GALNT11: variants seen among roughly 807,000 people sequenced by gnomAD.
GALNT11 encodes polypeptide N-acetylgalactosaminyltransferase 11.
A neutral mutation model predicts 72.7 loss-of-function variants in GALNT11; 47 were observed. That is an observed-to-expected ratio of 0.65 (90% CI 0.51 to 0.82). GALNT11 has a LOEUF of 0.82. Among genes scored for constraint, GALNT11 ranks in the 40% least tolerant of loss-of-function variants. The pLI is 0.00. For missense variants in GALNT11, 677 were observed against 778.4 expected, an observed-to-expected ratio of 0.87 and a Z score of 1.55; for synonymous variants, 270 against 286.6, an observed-to-expected ratio of 0.94 and a Z score of 0.58.
chr7:152,047,658 C>T (rs2033491055), intron 1 of GALNT11, among the ~76,000 whole-genome samples: 1 of 151,716 alleles, frequency 6.6e-6, no homozygotes, highest in African/African-American at 2.4e-5. Context: ...GATTGCACCA[C>T]TGCACTCTAG....
intron 4 of GALNT11, 127 bp from the exon 5 acceptor site, chr7:152,105,118 T>C (rs1287298839): frequency 1.0e-6 from 1 of 985,726 alleles, no homozygotes; most frequent in Non-Finnish European, 1.5e-6. Flanking sequence ...AAGTAAAATA[T>C]TCTGTAGTAT....
chr7:152,054,082 C>G (rs2083533769), intron 1 of GALNT11, among the ~76,000 whole-genome samples: 1 of 152,022 alleles, frequency 6.6e-6, no homozygotes, highest in Non-Finnish European at 1.5e-5. Flanking sequence ...ATACTTTATT[C>G]ATTTATCTAA....
intron 1 of GALNT11, among the ~76,000 whole-genome samples, chr7:152,084,544 G>A (rs899647806): frequency 1.3e-5 from 2 of 152,158 alleles, no homozygotes; most frequent in African/African-American, 2.4e-5. Flanking sequence ...GGCGTGTTGA[G>A]TATTTTGTTT....
chr7:152,107,950 G>A, intron 5 of GALNT11, 88 bp from the exon 6 acceptor site: 2 of 1,468,538 alleles, frequency 1.4e-6, no homozygotes, highest in Non-Finnish European at 1.8e-6. Context: ...GTTTCATGCT[G>A]TGTCAGCGCG....
chr7:152,026,607 A>T (rs538858410), intron 1 of GALNT11, among the ~76,000 whole-genome samples: 2 of 152,228 alleles, frequency 1.3e-5, no homozygotes, highest in African/African-American at 4.8e-5. Context: ...TCTGCCCTGT[A>T]TTTATGTAAA....
intron 1 of GALNT11, among the ~76,000 whole-genome samples, chr7:152,091,999 G>A (rs2086070384): frequency 2.0e-5 from 3 of 152,212 alleles, no homozygotes; most frequent in African/African-American, 7.2e-5. Context: ...AAGGCCGGGA[G>A]TGGTTTGAGG....
chr7:152,100,383 T>C (rs2086774805), intron 2 of GALNT11, among the ~76,000 whole-genome samples: 1 of 151,918 alleles, frequency 6.6e-6, no homozygotes, highest in African/African-American at 2.4e-5. Flanking sequence ...CTGGCCAATA[T>C]GGTGAAACCC....
chr7:152,066,621 T>C (rs1459776533), intron 1 of GALNT11, among the ~76,000 whole-genome samples: 1 of 152,238 alleles, frequency 6.6e-6, no homozygotes, highest in African/African-American at 2.4e-5. Context: ...AAGTGAGAGA[T>C]GTGTGACTCT....
At chr7:152,046,350 T>C (rs1293088251) in intron 1 of GALNT11, among the ~76,000 whole-genome samples, 1 of 152,154 alleles carries the variant, frequency 6.6e-6, no homozygotes, top group East Asian at 1.9e-4. Context: ...GTCTGATATA[T>C]CTTTGTTGAT....
At chr7:152,040,096 T>G (rs2082781645) in intron 1 of GALNT11, among the ~76,000 whole-genome samples, 3 of 151,950 alleles carry the variant, frequency 2.0e-5, no homozygotes, top group Admixed American at 2.0e-4. Flanking sequence ...ATATTCCATA[T>G]AGAGAAAAAT....
rs1379066521 is a variant in GALNT11, at chr7:152,057,064, C to A, written c.-39+31180C>A. Among the ~76,000 whole-genome samples the A allele has an allele frequency of 1.5e-4, 23 of 148,592 alleles. No homozygotes were observed. In the Admixed American group the frequency reaches 1.5e-3, roughly 10 times the overall value. On this transcript the variant is annotated intron_variant, in intron 1 of 11. Transcript: ENST00000430044. ...TAGCGACAGGGTTTTGCGATGTTGC[C>A]CAGGCCAGTCTTGAATTCCTGGGCT...
intron 1 of GALNT11, among the ~76,000 whole-genome samples, chr7:152,080,006 A>T (rs187288461): frequency 6.6e-6 from 1 of 152,380 alleles, no homozygotes; most frequent in Admixed American, 6.5e-5. Context: ...TTATTCTGGT[A>T]GAAAATGAAA....
intron 1 of GALNT11, among the ~76,000 whole-genome samples, chr7:152,040,130 G>T (rs6952655): frequency 0.054 from 8,125 of 151,632 alleles, 722 homozygotes; most frequent in African/African-American, 0.19. Flanking sequence ...GGCTAGTATA[G>T]CCTGGGGTAT....
intron 1 of GALNT11, among the ~76,000 whole-genome samples, chr7:152,060,869 A>G (rs530550605): frequency 3.9e-5 from 6 of 152,184 alleles, no homozygotes; most frequent in African/African-American, 7.2e-5. Context: ...AATCCAGTCT[A>G]TCATTGATGG....
chr7:152,113,911 TAA>T (rs1216961332), intron 8 of GALNT11, among the ~76,000 whole-genome samples: 7 of 128,748 alleles, frequency 5.4e-5, no homozygotes, highest in African/African-American at 2.8e-4. Flanking sequence ...TAATTTTTTT[TAA>T]AAAGTGTTTT....
At chr7:152,071,697 G>C (rs905774282) in intron 1 of GALNT11, among the ~76,000 whole-genome samples, 1 of 152,164 alleles carries the variant, frequency 6.6e-6, no homozygotes, top group Non-Finnish European at 1.5e-5. Context: ...TTTATGTTTA[G>C]AGATTGCAGT....
intron 2 of GALNT11, among the ~76,000 whole-genome samples, chr7:152,097,565 A>C (rs1008591395): frequency 2.0e-5 from 3 of 152,258 alleles, no homozygotes; most frequent in African/African-American, 7.2e-5. Flanking sequence ...TAGCAGCACT[A>C]TTCTCAATAG....
chr7:152,033,253 T>A (rs1586911998), intron 1 of GALNT11, among the ~76,000 whole-genome samples: 1 of 152,214 alleles, frequency 6.6e-6, no homozygotes, highest in Admixed American at 6.5e-5. Context: ...CAATCTTTTT[T>A]AAAATGTCTT....
chr7:152,117,456 G>A (rs1361062562), intron 9 of GALNT11, 81 bp downstream of exon 9: 1 of 1,323,708 alleles, frequency 7.6e-7, no homozygotes, highest in East Asian at 2.3e-5. Flanking sequence ...GCTATGACAG[G>A]TGACACTGTG....
Sources: allele counts gnomAD v4.1 joint callset (sites outside exome capture counted in the v4.1 genomes callset), GRCh38; gene constraint gnomAD v4.1.1; transcripts MANE v1.5; gene names NCBI Gene and HGNC (gene_info 2026-07-23, HGNC 2026-07-21).